The following SLC45A2 variants were observed in gnomAD, a reference collection of about 807,000 sequenced individuals.
SLC45A2 encodes solute carrier family 45 member 2.
In SLC45A2, 36 loss-of-function variants were observed where a neutral mutation model predicts 45.5. The observed-to-expected ratio is 0.79, with a 90% confidence interval of 0.61 to 1.04. The LOEUF (loss-of-function observed/expected upper bound fraction) is 1.04. SLC45A2 is among the 50% of genes least tolerant of loss of function. The pLI, the probability that SLC45A2 is intolerant of heterozygous loss-of-function variation, is 0.00. For missense variants in SLC45A2, 719 were observed against 671.0 expected, an observed-to-expected ratio of 1.07 and a Z score of -0.79; for synonymous variants, 306 against 269.3, an observed-to-expected ratio of 1.14 and a Z score of -1.33.
chr5:33,967,402 T>G (rs1752630661), intron 2 of SLC45A2, among the ~76,000 whole-genome samples: 1 of 152,216 alleles, frequency 6.6e-6, no homozygotes. Context: ...GGCACCTTGT[T>G]AAAATGCAAG....
chr5:33,973,046 A>G (rs1296037297), intron 2 of SLC45A2, among the ~76,000 whole-genome samples: 3 of 152,212 alleles, frequency 2.0e-5, no homozygotes, highest in Non-Finnish European at 4.4e-5. Context: ...ATACAGTGTC[A>G]AGTAATGATG....
At position 33,954,467 on chromosome 5, in the gene SLC45A2, GCTCT is replaced by G; in HGVS notation, c.922_925del (p.Arg308HisfsTer3). Reference sequence around the variant, plus strand: ...GTAGTGAGGAGGCATGTTCACCAGTGCTCTCAGCAGTGACTTTAATGTCATTGCC... The same window carrying G: ...GTAGTGAGGAGGCATGTTCACCAGTGCAGCAGTGACTTTAATGTCATTGCC... On this transcript the variant is annotated frameshift_variant, in exon 4 of 7. Coordinates refer to ENST00000296589, the MANE Select transcript of SLC45A2 (RefSeq NM_016180.5). LOFTEE classifies it high-confidence loss of function. 1 of 1,614,050 alleles carries G rather than the reference GCTCT, an allele frequency of 6.2e-7. No homozygotes were observed. The highest frequency in any genetic ancestry group is 8.5e-7 in the Non-Finnish European group (1 of 1,179,996).
chr5:33,981,129 T>C (rs1753060651), intron 2 of SLC45A2, among the ~76,000 whole-genome samples: 1 of 152,120 alleles, frequency 6.6e-6, no homozygotes, highest in South Asian at 2.1e-4. Flanking sequence ...TTAGGTGCCT[T>C]TAAACACCTG....
Position 33,984,219 on chromosome 5 carries a change from T to C in SLC45A2, c.365A>G (p.Asn122Ser), listed in dbSNP as rs145379710. ...CTTACCTGCTACAACAGTAGCCCCA[T>C]TGAGGTACAGAGCCATGCCCACGAG... ...MMLVGMALYL[N>S]GATVVAALIA... Residue 122 changes from asparagine (N) to serine (S), a missense_variant, in exon 1 of 7, where the codon AAT becomes AGT. Transcript: ENST00000296589. 104 of 1,614,018 alleles carry C rather than the reference T, an allele frequency of 6.4e-5. 2 individuals are homozygous for C. The highest frequency in any genetic ancestry group is 6.3e-4 in the African/African-American group (47 of 75,038).
intron 2 of SLC45A2, among the ~76,000 whole-genome samples, chr5:33,970,083 A>G (rs72743352): frequency 0.076 from 11,526 of 152,242 alleles, 733 homozygotes; most frequent in East Asian, 0.18. Flanking sequence ...AAAAAGCTGC[A>G]GACTAGAAGT....
At chr5:33,974,396 T>C (rs1752867255) in intron 2 of SLC45A2, among the ~76,000 whole-genome samples, 1 of 151,924 alleles carries the variant, frequency 6.6e-6, no homozygotes, top group Admixed American at 6.6e-5. Context: ...AATGAACCCT[T>C]GGATGCTTAT....
intron 2 of SLC45A2, among the ~76,000 whole-genome samples, chr5:33,973,355 C>T (rs1362000918): frequency 6.6e-6 from 1 of 152,170 alleles, no homozygotes; most frequent in Non-Finnish European, 1.5e-5. Context: ...TTGGTTTCTG[C>T]CCTGGCCATA....
At chr5:33,971,381 A>C (rs529953675) in intron 2 of SLC45A2, 37 of 485,952 alleles carry the variant, frequency 7.6e-5, no homozygotes, top group Admixed American at 4.8e-4. Flanking sequence ...CACCATAAAC[A>C]GGAAAAACAC....
intron 2 of SLC45A2, chr5:33,971,275 C>A: frequency 1.9e-6 from 1 of 529,176 alleles, no homozygotes; most frequent in South Asian, 1.4e-5. Flanking sequence ...GGAGGGCTAT[C>A]AGAATAGATG....
chr5:33,948,675 T>C (rs1208734938), intron 5 of SLC45A2, among the ~76,000 whole-genome samples: 2 of 152,210 alleles, frequency 1.3e-5, no homozygotes, highest in Non-Finnish European at 2.9e-5. Flanking sequence ...AGGTTGAGAA[T>C]ACAAAAATGA....
At chr5:33,972,112 G>A in intron 2 of SLC45A2, 1 of 516,832 alleles carries the variant, frequency 1.9e-6, no homozygotes, top group Non-Finnish European at 4.0e-6. Flanking sequence ...GGGCTCATTG[G>A]ATCAGAGAAA....
intron 4 of SLC45A2, 21 bp downstream of exon 4, chr5:33,954,340 G>A: frequency 1.9e-6 from 3 of 1,613,886 alleles, no homozygotes; most frequent in Non-Finnish European, 2.5e-6. Flanking sequence ...CAGTGATTGT[G>A]TGCACAGACA....
At chr5:33,963,555 C>T (rs575506579) in intron 3 of SLC45A2, 136 bp downstream of exon 3, 20 of 957,626 alleles carry the variant, frequency 2.1e-5, no homozygotes, top group African/African-American at 3.3e-5. Flanking sequence ...ATGATAGCTA[C>T]GGGGGATTTG....
At chr5:33,981,409 T>C (rs899354951) in intron 2 of SLC45A2, among the ~76,000 whole-genome samples, 1 of 152,094 alleles carries the variant, frequency 6.6e-6, no homozygotes, top group African/African-American at 2.4e-5. Flanking sequence ...AGAGAATACA[T>C]CAAAACATAA....
intron 2 of SLC45A2, among the ~76,000 whole-genome samples, chr5:33,967,224 G>T (rs924352210): frequency 6.6e-6 from 1 of 152,214 alleles, no homozygotes; most frequent in Non-Finnish European, 1.5e-5. Flanking sequence ...GGATTATTCT[G>T]AGGGCTGAGA....
intron 2 of SLC45A2, among the ~76,000 whole-genome samples, chr5:33,969,615 G>A (rs1158787895): frequency 1.3e-5 from 2 of 152,176 alleles, no homozygotes; most frequent in Admixed American, 6.5e-5. Flanking sequence ...CGAAGGCATC[G>A]AGAGTAGATT....
intron 2 of SLC45A2, 102 bp downstream of exon 2, chr5:33,982,133 CG>C (rs1449181196): frequency 7.6e-7 from 1 of 1,320,702 alleles, no homozygotes; most frequent in East Asian, 2.3e-5. Context: ...TCAGCTGACC[CG>C]TTCATTCAAA....
intron 2 of SLC45A2, chr5:33,971,448 T>C: frequency 2.4e-6 from 1 of 424,936 alleles, no homozygotes; most frequent in East Asian, 5.8e-5. Flanking sequence ...CCTTTTTTTT[T>C]GTTTTTTGGA....
chr5:33,975,014 T>C (rs1408915926), intron 2 of SLC45A2, among the ~76,000 whole-genome samples: 2 of 152,228 alleles, frequency 1.3e-5, no homozygotes, highest in African/African-American at 4.8e-5. Context: ...CTTTAGAATC[T>C]AAGCCTTAAA....
Sources: gnomAD v4.1 joint callset for allele counts (sites outside exome capture counted in the v4.1 genomes callset) on GRCh38, gnomAD v4.1.1 for gene constraint, MANE v1.5 for transcripts, NCBI Gene and HGNC (gene_info 2026-07-23, HGNC 2026-07-21) for gene names.